TMEM131: variants seen among roughly 807,000 people sequenced by gnomAD.
TMEM131 encodes the protein 2610524E03Rik.
A neutral mutation model predicts 211.6 loss-of-function variants in TMEM131; 66 were observed. That is an observed-to-expected ratio of 0.31 (90% CI 0.26 to 0.38). TMEM131 has a LOEUF of 0.38. Among genes scored for constraint, TMEM131 ranks in the 10% least tolerant of loss-of-function variants. The probability of loss-of-function intolerance (pLI) is 1.00; values close to 1 mark genes in which losing one functional copy is unlikely to be tolerated. For synonymous variants in TMEM131, 844 were observed against 841.3 expected, an observed-to-expected ratio of 1.00 and a Z score of -0.06; for missense variants, 2,036 against 2,299.3, an observed-to-expected ratio of 0.89 and a Z score of 2.34.
chr2:97,888,998 C>G (rs560273259), intron 3 of TMEM131, among the ~76,000 whole-genome samples: 3 of 152,002 alleles, frequency 2.0e-5, no homozygotes, highest in Non-Finnish European at 4.4e-5. Context: ...TAATTTCATT[C>G]AGGATTAAGG....
At chr2:97,917,003 A>C (rs1275040769) in intron 2 of TMEM131, among the ~76,000 whole-genome samples, 1 of 152,228 alleles carries the variant, frequency 6.6e-6, no homozygotes, top group African/African-American at 2.4e-5. Context: ...ATTTAAAACA[A>C]AAGATGAGTA....
At chr2:97,980,141 T>C (rs1679722303) in intron 1 of TMEM131, among the ~76,000 whole-genome samples, 1 of 152,106 alleles carries the variant, frequency 6.6e-6, no homozygotes, top group African/African-American at 2.4e-5. Flanking sequence ...CCCAAAACAA[T>C]TACACAATCA....
chr2:97,801,842 T>C, intron 25 of TMEM131, 53 bp downstream of exon 25: 2 of 1,334,846 alleles, frequency 1.5e-6, no homozygotes, highest in Non-Finnish European at 2.1e-6. Context: ...ATATTTATAT[T>C]GATCATATTA....
intron 4 of TMEM131, among the ~76,000 whole-genome samples, chr2:97,879,223 A>T (rs1220311671): frequency 1.3e-5 from 2 of 152,210 alleles, no homozygotes; most frequent in Non-Finnish European, 2.9e-5. Context: ...CCACTGCTGT[A>T]GGGAAAGGAT....
chr2:97,833,594 T>C (rs552236829), intron 10 of TMEM131, among the ~76,000 whole-genome samples, 168 bp from the exon 11 acceptor site: 3 of 152,048 alleles, frequency 2.0e-5, no homozygotes, highest in Middle Eastern at 3.4e-3. Flanking sequence ...CATAAGGACA[T>C]TGTGTATTAT....
intron 7 of TMEM131, among the ~76,000 whole-genome samples, chr2:97,838,875 T>C (rs981217332): frequency 6.6e-6 from 1 of 152,232 alleles, no homozygotes; most frequent in Admixed American, 6.5e-5. Flanking sequence ...TGCTGATTTG[T>C]TACAGTGCTC....
At chr2:97,872,102 C>T (rs1188578801) in intron 4 of TMEM131, among the ~76,000 whole-genome samples, 3 of 151,878 alleles carry the variant, frequency 2.0e-5, no homozygotes, top group Non-Finnish European at 4.4e-5. Flanking sequence ...TAAATTTAAA[C>T]AAAAAGTCTG....
At chr2:97,815,685 G>A (rs1247784052) in intron 12 of TMEM131, among the ~76,000 whole-genome samples, 1 of 152,114 alleles carries the variant, frequency 6.6e-6, no homozygotes, top group Non-Finnish European at 1.5e-5. Flanking sequence ...TGTGTGTACT[G>A]TAGGATGTTT....
At chr2:97,953,309 A>T (rs1678408708) in intron 1 of TMEM131, among the ~76,000 whole-genome samples, 1 of 152,244 alleles carries the variant, frequency 6.6e-6, no homozygotes, top group African/African-American at 2.4e-5. Flanking sequence ...AATAAAACTT[A>T]TTTCAAACAC....
At chr2:97,952,564 G>A (rs1678374054) in intron 1 of TMEM131, among the ~76,000 whole-genome samples, 1 of 152,146 alleles carries the variant, frequency 6.6e-6, no homozygotes, top group Admixed American at 6.5e-5. Context: ...TGAAATATAA[G>A]AACTGAAACA....
At position 97,794,949 on chromosome 2, in the gene TMEM131, T is replaced by C. The variant is rs139263468; in HGVS notation, c.3367A>G (p.Ile1123Val). The C allele has an allele frequency of 1.5e-3, 2,453 of 1,594,684 alleles. 7 individuals carry two copies. Among genetic ancestry groups the C allele is most frequent in the Non-Finnish European group, 1.8e-3 (2,150 of 1,169,934 alleles). ...CAATACCTCATTATTCCTGAGATGA[T>C]GATATACAGAGCCAGTTCCCAGTTA... ...RPNWELALYI[I>V]ISGIMSALFL... The change falls in exon 29 of 41, where the codon ATC (isoleucine) becomes GTC (valine). Residue 1123 changes from isoleucine (I) to valine (V), a missense_variant. Around this residue, in one of 3 missense-constraint regions of TMEM131, gnomAD observed 1,623 missense variants for 1,805.9 expected, o/e 0.90. Coordinates refer to ENST00000186436, the MANE Select transcript of TMEM131 (RefSeq NM_015348.2).
At chr2:97,869,488 A>G (rs1674404797) in intron 4 of TMEM131, among the ~76,000 whole-genome samples, 5 of 152,206 alleles carry the variant, frequency 3.3e-5, no homozygotes, top group Non-Finnish European at 7.3e-5. Context: ...CTCAGAGGAG[A>G]TGAGTCATCT....
chr2:97,954,490 T>A (rs1678468722), intron 1 of TMEM131, among the ~76,000 whole-genome samples: 1 of 152,064 alleles, frequency 6.6e-6, no homozygotes, highest in Non-Finnish European at 1.5e-5. Flanking sequence ...CCATAACCAT[T>A]AAAGACAGTG....
intron 1 of TMEM131, among the ~76,000 whole-genome samples, chr2:97,960,130 GA>G (rs933429407): frequency 2.1e-5 from 3 of 141,592 alleles, no homozygotes; most frequent in Admixed American, 7.0e-5. Context: ...GCATCACAAA[GA>G]TGTATTTTTC....
intron 4 of TMEM131, among the ~76,000 whole-genome samples, chr2:97,877,204 G>A (rs1019570483): frequency 9.9e-5 from 15 of 152,150 alleles, no homozygotes; most frequent in Non-Finnish European, 1.9e-4. Context: ...GAAATTAAGA[G>A]AGGACACAAA....
intron 11 of TMEM131, among the ~76,000 whole-genome samples, chr2:97,830,871 G>A (rs1682649310): frequency 6.6e-6 from 1 of 151,972 alleles, no homozygotes; most frequent in Non-Finnish European, 1.5e-5. Context: ...CCCTGAAGGG[G>A]AATTTAAAAA....
At chr2:97,781,311 T>C (rs1410313278) in intron 31 of TMEM131, among the ~76,000 whole-genome samples, 1 of 152,222 alleles carries the variant, frequency 6.6e-6, no homozygotes, top group South Asian at 2.1e-4. Flanking sequence ...AACAGTGAAA[T>C]ATACCAATGC....
intron 1 of TMEM131, among the ~76,000 whole-genome samples, chr2:97,994,021 G>T (rs772667026): frequency 6.6e-6 from 1 of 152,222 alleles, no homozygotes; most frequent in Non-Finnish European, 1.5e-5. Flanking sequence ...CTGGCACTGT[G>T]CAAGGTAAGC....
At chr2:97,791,711 A>G (rs1680505402) in intron 31 of TMEM131, among the ~76,000 whole-genome samples, 1 of 152,342 alleles carries the variant, frequency 6.6e-6, no homozygotes, top group Non-Finnish European at 1.5e-5. Flanking sequence ...ACTGTGAGAT[A>G]AGAGTATACG....
Sources: gnomAD v4.1 joint callset for allele counts (sites outside exome capture counted in the v4.1 genomes callset) on GRCh38, gnomAD v4.1.1 for gene constraint, gnomAD v4.1.1 regional missense constraint, MANE v1.5 for transcripts, NCBI Gene and HGNC (gene_info 2026-07-23, HGNC 2026-07-21) for gene names.